The following SF3B3 variants were observed in gnomAD, a reference collection of about 807,000 sequenced individuals.
SF3B3 encodes the protein splicing factor 3b subunit 3, also known as SAP 130.
SF3B3 carries 33 observed loss-of-function variants against 139.2 expected under a neutral mutation model. That is an observed-to-expected ratio of 0.24 (90% CI 0.18 to 0.32). The LOEUF (loss-of-function observed/expected upper bound fraction) is 0.32, where lower values mean the gene tolerates loss of function less well. SF3B3 is among the 10% of genes least tolerant of loss of function. The probability of loss-of-function intolerance (pLI) is 1.00; values close to 1 mark genes in which losing one functional copy is unlikely to be tolerated. For missense variants in SF3B3, 818 were observed against 1,509.4 expected (o/e 0.54, Z 7.59); for synonymous variants, 596 against 563.6 (o/e 1.06, Z -0.81).
intron 15 of SF3B3, among the ~76,000 whole-genome samples, chr16:70,559,271 G>A (rs369134640): frequency 9.9e-5 from 15 of 152,118 alleles, no homozygotes; most frequent in East Asian, 1.9e-4. Context: ...CTATAAGTAC[G>A]GTTCATACAG....
In SF3B3 at chr16:70,554,429, CTTCTT is replaced by C. The variant is rs2151788662; in HGVS notation, c.1403-9_1403-5del. On this transcript the variant is annotated splice_polypyrimidine_tract_variant and intron_variant, in intron 11 of 25. Coordinates refer to ENST00000302516, the MANE Select transcript of SF3B3 (RefSeq NM_012426.5). ...AATGAGTTCTTATCTAACCAACTCCCTTCTTTTCTTTTTCAGATGAGTTTGATGCC... is the reference window on the plus strand; with the variant it reads ...AATGAGTTCTTATCTAACCAACTCCCTTCTTTTTCAGATGAGTTTGATGCC... 8.1e-6 allele frequency: 13 copies of C among 1,613,406 alleles called. No individual in the cohort carries two copies. The highest frequency in any genetic ancestry group is 1.0e-5 in the Non-Finnish European group (12 of 1,179,516).
intron 8 of SF3B3, 115 bp from the exon 9 acceptor site, chr16:70,541,551 AAAT>A: frequency 1.5e-5 from 12 of 820,278 alleles, no homozygotes; most frequent in Non-Finnish European, 2.3e-5. Flanking sequence ...TAACACCTAA[AAAT>A]AATAACAATA....
rs751956201 is a variant in SF3B3, at chr16:70,565,351, T to G, written c.2670-17T>G. ...TTTTGACTAAGGCCTTACTCTTGCT[T>G]CTTATTCTGTGTGTAGTGTGGCTGT... On this transcript the variant is annotated splice_polypyrimidine_tract_variant and intron_variant, in intron 19 of 25. Coordinates refer to ENST00000302516, the MANE Select transcript of SF3B3 (RefSeq NM_012426.5). The G allele has an allele frequency of 2.5e-6, 4 of 1,614,048 alleles. No homozygotes were observed. The highest frequency in any genetic ancestry group is 2.2e-5 in the East Asian group (1 of 44,884).
intron 15 of SF3B3, among the ~76,000 whole-genome samples, chr16:70,558,749 C>T (rs1390395245): frequency 6.6e-6 from 1 of 152,090 alleles, no homozygotes; most frequent in Non-Finnish European, 1.5e-5. Flanking sequence ...GTGTGCACCA[C>T]TACGCCCGGC....
intron 22 of SF3B3, 130 bp from the exon 23 acceptor site, chr16:70,568,913 G>A (rs2050502371): frequency 1.3e-5 from 8 of 615,056 alleles, no homozygotes; most frequent in Admixed American, 9.2e-5. Context: ...TGCAGGACAC[G>A]TGGGCTCAGG....
rs75530043 is a variant in SF3B3, at chr16:70,555,247, A to T, written c.1710+41A>T. The T allele has an allele frequency of 6.0e-3, 9,463 of 1,565,590 alleles. 522 individuals carry two copies. The African/African-American group carries it at 0.11, about 18-fold the overall frequency. On this transcript the variant is annotated intron_variant, in intron 13 of 25. Transcript: ENST00000302516. ...ATTCACTGTGGGACTTATTGTAGGG[A>T]CCAGAGGGAAAGATGGGCATTGTAG...
chr16:70,536,443 A>G (rs1269109701), intron 6 of SF3B3, among the ~76,000 whole-genome samples: 1 of 151,956 alleles, frequency 6.6e-6, no homozygotes, highest in Non-Finnish European at 1.5e-5. Flanking sequence ...GGCTCACTGC[A>G]AGCTCCGCCT....
Position 70,565,372 on chromosome 16 carries a change from G to A in SF3B3, c.2674G>A (p.Ala892Thr). 4.3e-6 allele frequency: 7 copies of A among 1,614,180 alleles called. No individual in the cohort carries two copies. The highest frequency in any genetic ancestry group is 1.1e-5 in the South Asian group (1 of 91,078). ...LEQNEAAFSV[A>T]VCRFSNTGED... The stretch of plus-strand genomic sequence containing the variant: ...TGCTTCTTATTCTGTGTGTAGTGTG[G>A]CTGTGTGCAGGTTTTCCAACACTGG... Residue 892 changes from alanine (A) to threonine (T), a missense_variant, in exon 20 of 26, where the codon GCT becomes ACT. Ala to Thr is a moderately conservative substitution (Grantham distance 58, BLOSUM62 0). Coordinates refer to ENST00000302516, the MANE Select transcript of SF3B3 (RefSeq NM_012426.5).
intron 13 of SF3B3, among the ~76,000 whole-genome samples, chr16:70,555,770 C>T (rs550653161): frequency 6.6e-6 from 1 of 152,240 alleles, no homozygotes; most frequent in African/African-American, 2.4e-5. Context: ...CTAGTGTGGC[C>T]AAATTTGTAG....
At position 70,571,889 on chromosome 16, in the gene SF3B3, C is replaced by T; in HGVS notation, c.*76C>T. On this transcript the variant is annotated 3_prime_UTR_variant, in exon 26 of 26. Coordinates refer to ENST00000302516, the MANE Select transcript of SF3B3 (RefSeq NM_012426.5). ...CACCACCATCACTGCCACCTGGCTT[C>T]TGCCATGTGGCAGGAGGGTGACTGG... The T allele has an allele frequency of 6.6e-7, 1 of 1,506,998 alleles. No homozygotes were observed. Among genetic ancestry groups the T allele is most frequent in the Non-Finnish European group, 9.0e-7 (1 of 1,112,756 alleles). 93.4% of individuals were successfully genotyped at this position (1,506,998 alleles called of 1,614,324 possible).
At chr16:70,542,708 CTTTTTTTTTCTT>C (rs956288124) in intron 9 of SF3B3, among the ~76,000 whole-genome samples, 21 of 150,118 alleles carry the variant, frequency 1.4e-4, no homozygotes, top group African/African-American at 4.9e-4. Context: ...TGACTAATTT[CTTTTTTTTTCTT>C]TTTTTTTTCT....
intron 24 of SF3B3, 48 bp from the exon 25 acceptor site, chr16:70,571,047 C>G: frequency 1.6e-6 from 2 of 1,264,636 alleles, no homozygotes; most frequent in Non-Finnish European, 2.3e-6. Flanking sequence ...AAACTCTAGA[C>G]TAGTTGAAAT....
At chr16:70,555,776 T>C (rs2050374877) in intron 13 of SF3B3, among the ~76,000 whole-genome samples, 1 of 152,226 alleles carries the variant, frequency 6.6e-6, no homozygotes, top group South Asian at 2.1e-4. Flanking sequence ...TGGCCAAATT[T>C]GTAGCCTGCC....
intron 23 of SF3B3, 126 bp downstream of exon 23, chr16:70,569,267 C>T: frequency 9.5e-6 from 6 of 633,636 alleles, no homozygotes; most frequent in Non-Finnish European, 1.6e-5. Flanking sequence ...TGTCCGTCCA[C>T]AGTCCTTTCT....
At chr16:70,535,880 C>T in intron 6 of SF3B3, among the ~76,000 whole-genome samples, 1 of 150,410 alleles carries the variant, frequency 6.6e-6, no homozygotes, top group Admixed American at 6.6e-5. Flanking sequence ...TTTGTTTTTT[C>T]TTTCTCATGA....
rs887663161 is a variant in SF3B3, at chr16:70,574,186, A to G, written c.*2373A>G. ...TTCCTAAGTTCTGTTTTATTTTTTA[A>G]TTTTTTAAAAAAAATTTTATTAGAG... On this transcript the variant is annotated 3_prime_UTR_variant, in exon 26 of 26. Coordinates refer to ENST00000302516, the MANE Select transcript of SF3B3 (RefSeq NM_012426.5). 2.0e-5 allele frequency: 3 copies of G among 151,948 alleles called. No individual in the cohort carries two copies. Among genetic ancestry groups the G allele is most frequent in the Admixed American group, 6.6e-5 (1 of 15,246 alleles). 9.4% of individuals were successfully genotyped at this position (151,948 alleles called of 1,614,324 possible). A position where few individuals can be genotyped will look rare whatever the true frequency, so the allele number is the denominator to read the frequency against.
intron 16 of SF3B3, among the ~76,000 whole-genome samples, chr16:70,561,102 C>G (rs1239607690): frequency 6.6e-6 from 1 of 152,120 alleles, no homozygotes; most frequent in African/African-American, 2.4e-5. Context: ...CTCACTGCAA[C>G]CTCCGCCTCC....
intron 13 of SF3B3, among the ~76,000 whole-genome samples, chr16:70,555,628 C>T (rs142199025): frequency 6.6e-6 from 1 of 152,126 alleles, no homozygotes; most frequent in Admixed American, 6.6e-5. Context: ...ACTTGCTCCT[C>T]CTGCATTTCA....
intron 8 of SF3B3, 63 bp from the exon 9 acceptor site, chr16:70,541,606 C>G: frequency 7.4e-7 from 1 of 1,352,976 alleles, no homozygotes; most frequent in African/African-American, 1.4e-5. Context: ...TATGTTGATG[C>G]CAGACATTAT....
Sources: allele counts gnomAD v4.1 joint callset (sites outside exome capture counted in the v4.1 genomes callset), GRCh38; gene constraint gnomAD v4.1.1; transcripts MANE v1.5; gene names NCBI Gene and HGNC (gene_info 2026-07-23, HGNC 2026-07-21).